KCNIP1: variants seen among roughly 807,000 people sequenced by gnomAD.
The protein encoded by KCNIP1 is potassium voltage-gated channel interacting protein 1.
KCNIP1 carries 18 observed loss-of-function variants against 33.0 expected under a neutral mutation model. The ratio of observed to expected loss-of-function variants is 0.55; its 90% CI spans 0.38 to 0.81. The LOEUF (loss-of-function observed/expected upper bound fraction) is 0.81, where lower values mean the gene tolerates loss of function less well. Among genes scored for constraint, KCNIP1 ranks in the 30% least tolerant of loss-of-function variants. KCNIP1 has a pLI of 0.00. For missense variants in KCNIP1, 238 were observed against 271.6 expected (o/e 0.88, Z 0.87); for synonymous variants, 93 against 98.3 (o/e 0.95, Z 0.32).
At chr5:170,445,029 T>C (rs1358455557) in intron 1 of KCNIP1, among the ~76,000 whole-genome samples, 2 of 152,172 alleles carry the variant, frequency 1.3e-5, no homozygotes, top group Admixed American at 6.5e-5. Flanking sequence ...GCATTATTAA[T>C]CCATTTTTTC....
At chr5:170,474,303 A>G (rs1275457807) in intron 1 of KCNIP1, among the ~76,000 whole-genome samples, 1 of 152,022 alleles carries the variant, frequency 6.6e-6, no homozygotes, top group Non-Finnish European at 1.5e-5. Flanking sequence ...AAGCACCCCT[A>G]TTCCTTTCTG....
intron 1 of KCNIP1, among the ~76,000 whole-genome samples, chr5:170,620,539 C>T (rs1049664007): frequency 6.6e-6 from 1 of 152,184 alleles, no homozygotes; most frequent in Non-Finnish European, 1.5e-5. Flanking sequence ...TGGGGAGGGG[C>T]TACGCATCAC....
intron 1 of KCNIP1, among the ~76,000 whole-genome samples, chr5:170,414,553 G>A (rs1019692147): frequency 5.3e-5 from 8 of 152,190 alleles, no homozygotes; most frequent in Admixed American, 4.6e-4. Flanking sequence ...TTTCCACCAC[G>A]TGGCTGCGCT....
intron 1 of KCNIP1, among the ~76,000 whole-genome samples, chr5:170,693,471 C>A (rs1376230062): frequency 6.6e-6 from 1 of 152,176 alleles, no homozygotes; most frequent in African/African-American, 2.4e-5. Context: ...GTGTTCTTCA[C>A]AGACTAGGCA....
intron 1 of KCNIP1, among the ~76,000 whole-genome samples, chr5:170,635,055 A>G (rs1000387156): frequency 1.3e-5 from 2 of 152,148 alleles, no homozygotes; most frequent in East Asian, 1.9e-4. Context: ...TTTGAGACAG[A>G]GACTCGCTTT....
At chr5:170,490,051 G>A (rs1165510939) in intron 1 of KCNIP1, among the ~76,000 whole-genome samples, 1 of 152,216 alleles carries the variant, frequency 6.6e-6, no homozygotes, top group Non-Finnish European at 1.5e-5. Flanking sequence ...GACTGAGAGG[G>A]CTCAAGGTGG....
intron 1 of KCNIP1, among the ~76,000 whole-genome samples, chr5:170,612,417 C>A (rs565858634): frequency 1.5e-4 from 23 of 152,240 alleles, no homozygotes; most frequent in Non-Finnish European, 3.1e-4. Flanking sequence ...GGCACTTGCT[C>A]TCCTGGCGGC....
At chr5:170,416,733 C>T (rs1050152244) in intron 1 of KCNIP1, among the ~76,000 whole-genome samples, 2 of 152,044 alleles carry the variant, frequency 1.3e-5, no homozygotes, top group Non-Finnish European at 2.9e-5. Flanking sequence ...CAGCTCACTG[C>T]CAGCACTCAT....
chr5:170,582,532 G>C (rs1464443666), intron 1 of KCNIP1, among the ~76,000 whole-genome samples: 1 of 152,210 alleles, frequency 6.6e-6, no homozygotes, highest in Non-Finnish European at 1.5e-5. Flanking sequence ...TAAAAGGTGA[G>C]CAGCAAAGGC....
At chr5:170,665,132 T>C (rs573233177) in intron 1 of KCNIP1, among the ~76,000 whole-genome samples, 1 of 152,264 alleles carries the variant, frequency 6.6e-6, no homozygotes, top group South Asian at 2.1e-4. Flanking sequence ...GGTAATAAAA[T>C]GGGGCTTTCA....
chr5:170,415,625 A>G (rs569627716), intron 1 of KCNIP1, among the ~76,000 whole-genome samples: 110 of 152,268 alleles, frequency 7.2e-4, no homozygotes, highest in African/African-American at 2.6e-3. Context: ...TGTCAGGCCC[A>G]CCGTCCTATC....
intron 1 of KCNIP1, among the ~76,000 whole-genome samples, chr5:170,494,294 C>T (rs1380492404): frequency 6.6e-6 from 1 of 152,206 alleles, no homozygotes. Flanking sequence ...TTAGCTCCCC[C>T]CAGCACCAGC....
intron 1 of KCNIP1, among the ~76,000 whole-genome samples, chr5:170,487,059 A>C (rs972700969): frequency 2.6e-5 from 4 of 152,208 alleles, no homozygotes; most frequent in African/African-American, 9.6e-5. Flanking sequence ...ATATATCTAG[A>C]GAGAGAAAGA....
intron 1 of KCNIP1, among the ~76,000 whole-genome samples, chr5:170,547,803 G>A (rs975199140): frequency 1.3e-4 from 20 of 152,076 alleles, no homozygotes; most frequent in African/African-American, 4.8e-4. Flanking sequence ...CCATATCTCT[G>A]CTATTGTGAA....
intron 1 of KCNIP1, among the ~76,000 whole-genome samples, chr5:170,435,422 C>G (rs1342452077): frequency 6.6e-6 from 1 of 152,224 alleles, no homozygotes; most frequent in Non-Finnish European, 1.5e-5. Context: ...AGGGCCCCAG[C>G]GCCTGTAGGT....
chr5:170,547,535 CT>C (rs2113400912), intron 1 of KCNIP1, among the ~76,000 whole-genome samples: 1 of 152,300 alleles, frequency 6.6e-6, no homozygotes, highest in South Asian at 2.1e-4. Context: ...TCCTCCCACC[CT>C]CTGGTGGGCC....
chr5:170,587,025 A>T (rs1442259777), intron 1 of KCNIP1, among the ~76,000 whole-genome samples: 1 of 152,200 alleles, frequency 6.6e-6, no homozygotes, highest in Admixed American at 6.5e-5. Context: ...GCCCCAAAAA[A>T]CACCAAGTCA....
chr5:170,468,028 AATGTTT>A (rs1272835994), intron 1 of KCNIP1, among the ~76,000 whole-genome samples: 1 of 151,898 alleles, frequency 6.6e-6, no homozygotes, highest in Non-Finnish European at 1.5e-5. Flanking sequence ...ACACACTTGT[AATGTTT>A]AAGAATCTGT....
intron 1 of KCNIP1, among the ~76,000 whole-genome samples, chr5:170,696,792 T>C (rs568167401): frequency 2.0e-5 from 3 of 152,206 alleles, no homozygotes; most frequent in East Asian, 1.9e-4. Flanking sequence ...TGACTTTGTA[T>C]AGGAGAGATA....
Sources: gnomAD v4.1 joint callset for allele counts (sites outside exome capture counted in the v4.1 genomes callset) on GRCh38, gnomAD v4.1.1 for gene constraint, MANE v1.5 for transcripts, NCBI Gene and HGNC (gene_info 2026-07-23, HGNC 2026-07-21) for gene names.